The following OTUD7B variants were observed in gnomAD, a reference collection of about 807,000 sequenced individuals.
The protein encoded by OTUD7B is OTU deubiquitinase 7B.
Under a neutral mutation model 82.2 loss-of-function variants are expected in OTUD7B, and 34 were observed. The observed-to-expected ratio is 0.41, with a 90% confidence interval of 0.31 to 0.55. The LOEUF (loss-of-function observed/expected upper bound fraction) is 0.55. OTUD7B is among the 20% of genes least tolerant of loss of function. The pLI, the probability that OTUD7B is intolerant of heterozygous loss-of-function variation, is 0.20. For missense variants in OTUD7B, 944 were observed against 1,062.1 expected (o/e 0.89, Z 1.55); for synonymous variants, 398 against 402.7 (o/e 0.99, Z 0.14).
rs587677440 is a variant in OTUD7B, at chr1:150,005,995, A to G, written c.-67+4453T>C. Among the ~76,000 whole-genome samples, 16 of 152,282 alleles carry G rather than the reference A, an allele frequency of 1.1e-4. No individual in the cohort carries two copies. In the South Asian group the frequency reaches 3.3e-3, roughly 32 times the overall value. ...GTAGTCTAGTCTTAATTATCTACAAATGGATTATTCATTTTACGGATTTCT... is the reference window on the plus strand; with the variant it reads ...GTAGTCTAGTCTTAATTATCTACAAGTGGATTATTCATTTTACGGATTTCT... On this transcript the variant is annotated intron_variant, in intron 1 of 11. Transcript: ENST00000581312.
At chr1:149,975,797 G>T (rs1553778420) in intron 2 of OTUD7B, among the ~76,000 whole-genome samples, 1 of 152,042 alleles carries the variant, frequency 6.6e-6, no homozygotes, top group Non-Finnish European at 1.5e-5. Context: ...GCTGAGGTGG[G>T]TAGATCACGA....
chr1:150,031,279 A>C, the OTUD7B span, among the ~76,000 whole-genome samples: 1 of 152,196 alleles, frequency 6.6e-6, no homozygotes, highest in African/African-American at 2.4e-5. Context: ...AACTACCTGC[A>C]TTATACTCCT....
At chr1:149,956,332 T>G (rs1553774556) in intron 7 of OTUD7B, among the ~76,000 whole-genome samples, 2 of 152,184 alleles carry the variant, frequency 1.3e-5, no homozygotes, top group Non-Finnish European at 2.9e-5. Flanking sequence ...GGGTTGAAAA[T>G]TCTTTTCTTT....
the OTUD7B span, among the ~76,000 whole-genome samples, chr1:150,043,765 C>T: frequency 6.6e-6 from 1 of 152,078 alleles, no homozygotes; most frequent in East Asian, 1.9e-4. Flanking sequence ...AAGCCCATTT[C>T]CTCATAGTCA....
At chr1:150,024,044 C>T in the OTUD7B span, among the ~76,000 whole-genome samples, 1 of 152,140 alleles carries the variant, frequency 6.6e-6, no homozygotes, top group African/African-American at 2.4e-5. Flanking sequence ...CAGATAGTGG[C>T]CAGTGCTAAG....
intron 1 of OTUD7B, among the ~76,000 whole-genome samples, chr1:149,998,860 A>G (rs1652086651): frequency 6.6e-6 from 1 of 152,230 alleles, no homozygotes; most frequent in Non-Finnish European, 1.5e-5. Context: ...CTAGAAAATG[A>G]CAATATGTAA....
chr1:150,037,429 T>C, the OTUD7B span, among the ~76,000 whole-genome samples: 2 of 152,090 alleles, frequency 1.3e-5, no homozygotes, highest in Admixed American at 6.5e-5. Flanking sequence ...ATTTTGAAAG[T>C]TGGCTAATAA....
intron 1 of OTUD7B, among the ~76,000 whole-genome samples, chr1:150,004,377 T>G (rs1272188480): frequency 6.6e-6 from 1 of 151,992 alleles, no homozygotes; most frequent in Non-Finnish European, 1.5e-5. Flanking sequence ...CTGGCCAACA[T>G]GGTGAAATCC....
intron 11 of OTUD7B, 25 bp downstream of exon 11, chr1:149,947,226 G>A (rs1647823694): frequency 7.7e-7 from 1 of 1,304,672 alleles, no homozygotes; most frequent in Non-Finnish European, 1.1e-6. Flanking sequence ...AGACACACCA[G>A]GGTAGATGTG....
At chr1:150,002,589 A>C (rs1411688320) in intron 1 of OTUD7B, among the ~76,000 whole-genome samples, 5 of 152,238 alleles carry the variant, frequency 3.3e-5, no homozygotes, top group East Asian at 1.9e-4. Flanking sequence ...ATGTGGCAGA[A>C]TGACACAAAC....
At chr1:150,058,526 CT>C in the OTUD7B span, among the ~76,000 whole-genome samples, 1 of 151,934 alleles carries the variant, frequency 6.6e-6, no homozygotes, top group Non-Finnish European at 1.5e-5. Flanking sequence ...CTGGGTGACC[CT>C]GTCTTGAAAA....
At chr1:150,025,037 G>C in the OTUD7B span, among the ~76,000 whole-genome samples, 1 of 150,276 alleles carries the variant, frequency 6.7e-6, no homozygotes, top group African/African-American at 2.5e-5. Context: ...GACAGAGTGA[G>C]ACTCTGTCTC....
rs782197745 is a variant in OTUD7B, at chr1:149,944,497, T to C, written c.1892A>G (p.Tyr631Cys). The C allele has an allele frequency of 6.2e-7, 1 of 1,614,150 alleles. No homozygotes were observed. The highest frequency in any genetic ancestry group is 8.5e-7 in the Non-Finnish European group (1 of 1,180,026). ...GAATCTCTCCTCAGCATCAGAAAGGTAGCGCTGGATCATTTCCTCCTGATA... is the reference window on the plus strand; with the variant it reads ...GAATCTCTCCTCAGCATCAGAAAGGCAGCGCTGGATCATTTCCTCCTGATA... ...HQYQEEMIQR[Y>C]LSDAEERFLA... Residue 631 changes from tyrosine (Y) to cysteine (C), a missense_variant, in exon 12 of 12, where the codon TAC becomes TGC. Transcript: ENST00000581312.
At chr1:149,949,809 G>A in intron 8 of OTUD7B, 31 bp from the exon 9 acceptor site, 1 of 1,602,418 alleles carries the variant, frequency 6.2e-7, no homozygotes, top group Non-Finnish European at 8.5e-7. Flanking sequence ...TATTATGAAG[G>A]CTGTGTTTCT....
At position 150,002,375 on chromosome 1, in the gene OTUD7B, A is replaced by C. The variant is rs587671315; in HGVS notation, c.-67+8073T>G. On this transcript the variant is annotated intron_variant, in intron 1 of 11. Transcript: ENST00000581312. ...AAAACAAATACCTTGACATTCTTCTACATCTGAATCACTACAGCTGAAAAA... is the reference window on the plus strand; with the variant it reads ...AAAACAAATACCTTGACATTCTTCTCCATCTGAATCACTACAGCTGAAAAA... Among the ~76,000 whole-genome samples the C allele has an allele frequency of 9.6e-4, 147 of 152,332 alleles. 1 individual carries two copies. The highest frequency in any genetic ancestry group is 1.6e-3 in the Non-Finnish European group (109 of 68,024).
At chr1:150,002,071 T>C (rs962514956) in intron 1 of OTUD7B, among the ~76,000 whole-genome samples, 1 of 152,224 alleles carries the variant, frequency 6.6e-6, no homozygotes. Context: ...AATCTGAGTA[T>C]TTAATATTTT....
At chr1:150,000,444 C>T (rs1362532585) in intron 1 of OTUD7B, among the ~76,000 whole-genome samples, 1 of 151,950 alleles carries the variant, frequency 6.6e-6, no homozygotes, top group Non-Finnish European at 1.5e-5. Flanking sequence ...CACTGCACTC[C>T]AGCCTGGGTG....
At chr1:150,039,806 C>A in the OTUD7B span, among the ~76,000 whole-genome samples, 2 of 151,946 alleles carry the variant, frequency 1.3e-5, no homozygotes, top group Admixed American at 1.3e-4. Flanking sequence ...TACATTTTTT[C>A]ATTAGTTATT....
At chr1:149,984,208 A>T (rs1365802582) in intron 1 of OTUD7B, among the ~76,000 whole-genome samples, 2 of 150,728 alleles carry the variant, frequency 1.3e-5, no homozygotes, top group Non-Finnish European at 2.9e-5. Context: ...ACCTCCCCTT[A>T]CTCCTGTCAA....
Sources: allele counts gnomAD v4.1 joint callset (sites outside exome capture counted in the v4.1 genomes callset), GRCh38; gene constraint gnomAD v4.1.1; transcripts MANE v1.5; gene names NCBI Gene and HGNC (gene_info 2026-07-23, HGNC 2026-07-21).